Variants in TBC1D1 observed in about 807,000 individuals in gnomAD.
TBC1D1 encodes the protein TBC1 domain family member 1, also known as TBC1 (tre-2/USP6, BUB2, cdc16) domain family, member 1.
TBC1D1 carries 89 observed loss-of-function variants against 125.6 expected under a neutral mutation model. The observed-to-expected ratio is 0.71, with a 90% CI of 0.60 to 0.85. The LOEUF is 0.85. Among genes scored for constraint, TBC1D1 ranks in the 40% least tolerant of loss-of-function variants. The pLI is 0.00. For missense variants in TBC1D1, 1,377 were observed against 1,469.2 expected, an observed-to-expected ratio of 0.94 and a Z score of 1.03; for synonymous variants, 565 against 564.1, an observed-to-expected ratio of 1.00 and a Z score of -0.02.
chr4:38,106,602 C>T (rs565191953), intron 15 of TBC1D1, among the ~76,000 whole-genome samples: 1 of 152,306 alleles, frequency 6.6e-6, no homozygotes, highest in African/African-American at 2.4e-5. Flanking sequence ...GACAGCCCCG[C>T]TCCCCACACT....
rs1733402258 is a variant in TBC1D1, at chr4:37,977,475, G to GCGAAGAGCCGCCGCC, written c.418-37031_418-37017dup. The GCGAAGAGCCGCCGCC allele has an allele frequency of 1.0e-6, 1 of 988,196 alleles. No individual in the cohort carries two copies. The highest frequency in any genetic ancestry group is 1.2e-6 in the Non-Finnish European group (1 of 827,686). 61.2% of individuals were successfully genotyped at this position (988,196 alleles called of 1,614,324 possible). On this transcript the variant is annotated intron_variant, in intron 2 of 19. Transcript: ENST00000261439. The surrounding 1 kb of genome is among the most constrained non-coding windows in gnomAD (Gnocchi z 4.3). ...GGCGGGAGTGAGCGGGAGCCGGCGG[G>GCGAAGAGCCGCCGCC]CGAAGAGCCGCCGCCCGGCCCGCGA...
rs761523882 is a variant in TBC1D1, at chr4:38,020,671, G to GT, written c.1056dup (p.Gln353SerfsTer5). ...GCGGCTTTCATTTTGTCTGTTACGT[G>GT]TTTCAGTGCACAAATGAGGCTCTGG... On this transcript the variant is annotated frameshift_variant, in exon 5 of 20. Coordinates refer to ENST00000261439, the MANE Select transcript of TBC1D1 (RefSeq NM_015173.4). LOFTEE classifies it high-confidence loss of function. The GT allele has an allele frequency of 6.2e-7, 1 of 1,612,636 alleles. No individual in the cohort carries two copies. Among genetic ancestry groups the GT allele is most frequent in the South Asian group, 1.1e-5 (1 of 91,078 alleles).
intron 2 of TBC1D1, among the ~76,000 whole-genome samples, chr4:37,944,181 A>T (rs1273868234): frequency 6.6e-6 from 1 of 152,142 alleles, no homozygotes; most frequent in Non-Finnish European, 1.5e-5. Context: ...TTGCTGCCTG[A>T]TCGTTCCTCT....
At chr4:37,984,281 G>C (rs549786361) in intron 2 of TBC1D1, among the ~76,000 whole-genome samples, 43 of 152,314 alleles carry the variant, frequency 2.8e-4, no homozygotes, top group Middle Eastern at 3.4e-3. Context: ...TAGATATCAA[G>C]AAGTATGATT....
intron 13 of TBC1D1, among the ~76,000 whole-genome samples, chr4:38,095,134 A>G (rs551093946): frequency 3.0e-4 from 45 of 152,302 alleles, no homozygotes; most frequent in African/African-American, 9.1e-4. Flanking sequence ...ATGGAAAACC[A>G]TAAAAGCTGA....
At chr4:38,023,619 C>G (rs1481285876) in intron 6 of TBC1D1, among the ~76,000 whole-genome samples, 1 of 152,182 alleles carries the variant, frequency 6.6e-6, no homozygotes, top group Non-Finnish European at 1.5e-5. Flanking sequence ...TCCAGATTCA[C>G]GTGTATTGTA....
chr4:37,974,350 C>A (rs1041478796), intron 2 of TBC1D1, among the ~76,000 whole-genome samples: 35 of 152,030 alleles, frequency 2.3e-4, no homozygotes, highest in African/African-American at 8.2e-4. Context: ...CCCACCTCAG[C>A]CTCCTGAGTA....
intron 7 of TBC1D1, among the ~76,000 whole-genome samples, chr4:38,032,006 C>T (rs1746247659): frequency 6.6e-6 from 1 of 152,142 alleles, no homozygotes; most frequent in African/African-American, 2.4e-5. Flanking sequence ...ACTGTGCAGC[C>T]AGTGCCAAGA....
chr4:38,042,202 A>G (rs1047863034), intron 8 of TBC1D1, among the ~76,000 whole-genome samples: 2 of 152,044 alleles, frequency 1.3e-5, no homozygotes, highest in African/African-American at 4.8e-5. Context: ...AAAAAAGCTC[A>G]TAGAGTAGGT....
At chr4:37,923,886 G>C (rs1372051846) in intron 2 of TBC1D1, among the ~76,000 whole-genome samples, 1 of 151,970 alleles carries the variant, frequency 6.6e-6, no homozygotes, top group Admixed American at 6.6e-5. Flanking sequence ...CACCATGTTG[G>C]CCAGGCTAGT....
At chr4:38,136,312 C>T (rs1172640575) in intron 19 of TBC1D1, among the ~76,000 whole-genome samples, 1 of 152,182 alleles carries the variant, frequency 6.6e-6, no homozygotes, top group Non-Finnish European at 1.5e-5. Flanking sequence ...CATTCCTCCT[C>T]TGTAGGGTGG....
At chr4:37,902,616 A>G in intron 2 of TBC1D1, 104 bp downstream of exon 2, 1 of 918,650 alleles carries the variant, frequency 1.1e-6, no homozygotes, top group Non-Finnish European at 1.6e-6. Context: ...ATAAGGAATT[A>G]ATGCTGCAGT....
chr4:37,985,890 A>C (rs1323794365), intron 2 of TBC1D1, among the ~76,000 whole-genome samples: 1 of 152,250 alleles, frequency 6.6e-6, no homozygotes, highest in Non-Finnish European at 1.5e-5. Flanking sequence ...GTCTGAGTGA[A>C]GTCAAGGGTA....
intron 2 of TBC1D1, among the ~76,000 whole-genome samples, chr4:37,921,455 G>C (rs1720981704): frequency 6.6e-6 from 1 of 151,152 alleles, no homozygotes; most frequent in African/African-American, 2.4e-5. Flanking sequence ...TCGCCAAGCT[G>C]GAGTGCAGTG....
chr4:38,055,781 G>T (rs957743341), intron 12 of TBC1D1, among the ~76,000 whole-genome samples: 1 of 152,160 alleles, frequency 6.6e-6, no homozygotes, highest in African/African-American at 2.4e-5. Flanking sequence ...TCTGCTTACC[G>T]CAAAGAAGGG....
At position 38,014,852 on chromosome 4, in the gene TBC1D1, G is replaced by A; in HGVS notation, c.761G>A (p.Gly254Asp). Residue 254 changes from glycine to aspartate, a missense_variant, in exon 3 of 20, where the codon GGC becomes GAC. Coordinates refer to ENST00000261439, the MANE Select transcript of TBC1D1 (RefSeq NM_015173.4). The surrounding 1 kb of genome is among the most constrained non-coding windows in gnomAD (Gnocchi z 5.1). The stretch of plus-strand genomic sequence containing the variant: ...TTTAGGAAGGAGCTGCAGGATGGGG[G>A]CCTCCGAAGCAGCGGCTTCTTCAGC... 6.2e-7 allele frequency: 1 copy of A among 1,611,988 alleles called. No individual in the cohort carries two copies. Among genetic ancestry groups the A allele is most frequent in the South Asian group, 1.1e-5 (1 of 91,028 alleles).
chr4:37,906,244 C>T (rs1577780900), intron 2 of TBC1D1, among the ~76,000 whole-genome samples: 2 of 152,208 alleles, frequency 1.3e-5, no homozygotes, highest in South Asian at 4.1e-4. Flanking sequence ...GCCTCCCGGG[C>T]TCAAGCGATT....
chr4:38,048,189 TA>T (rs1749841697), intron 10 of TBC1D1, among the ~76,000 whole-genome samples: 1 of 152,160 alleles, frequency 6.6e-6, no homozygotes, highest in South Asian at 2.1e-4. Context: ...GGATCCCTTC[TA>T]AAAAATTGAT....
chr4:37,951,780 A>G (rs1727927605), intron 2 of TBC1D1, among the ~76,000 whole-genome samples: 1 of 152,246 alleles, frequency 6.6e-6, no homozygotes, highest in Admixed American at 6.5e-5. Flanking sequence ...AAATGGTTAT[A>G]GTGTTTGTCC....
Sources: gnomAD v4.1 joint callset for allele counts (sites outside exome capture counted in the v4.1 genomes callset) on GRCh38, gnomAD v4.1.1 for gene constraint, Gnocchi (gnomAD v3.1) non-coding constraint, MANE v1.5 for transcripts, NCBI Gene and HGNC (gene_info 2026-07-23, HGNC 2026-07-21) for gene names.